Variants in TRAP1 observed in about 807,000 individuals in gnomAD.
The protein encoded by TRAP1 is TNF receptor associated protein 1.
In TRAP1, 102 loss-of-function variants were observed where a neutral mutation model predicts 89.1. The ratio of observed to expected loss-of-function variants is 1.15; its 90% CI spans 0.98 to 1.35. The LOEUF is 1.35. Ranked by LOEUF, TRAP1 falls within the 40% of genes most tolerant of loss-of-function variation. The pLI is 0.00. For missense variants in TRAP1, 1,256 were observed against 945.3 expected, an observed-to-expected ratio of 1.33 and a Z score of -4.31; for synonymous variants, 508 against 388.0, an observed-to-expected ratio of 1.31 and a Z score of -3.64.
At chr16:3,696,207 CCT>C (rs1474322026) in intron 1 of TRAP1, among the ~76,000 whole-genome samples, 1 of 152,074 alleles carries the variant, frequency 6.6e-6, no homozygotes, top group Non-Finnish European at 1.5e-5. Context: ...TTTGTGAATA[CCT>C]CTCTCCAAAA....
At chr16:3,666,441 CAT>C (rs976802651) in intron 11 of TRAP1, among the ~76,000 whole-genome samples, 12 of 152,098 alleles carry the variant, frequency 7.9e-5, no homozygotes, top group African/African-American at 2.2e-4. Context: ...CCTTAGGAAA[CAT>C]GTGAGCACAC....
chr16:3,659,749 TTAGATAGATAGATAGATAGATAGA>T (rs3068078), intron 16 of TRAP1: 1 of 140,244 alleles, frequency 7.1e-6, no homozygotes, highest in Non-Finnish European at 1.6e-5. Flanking sequence ...ACTTTTTTTT[TTAGATAGATAGATAGATAGATAGA>T]TAGATAGACT....
intron 12 of TRAP1, chr16:3,664,706 G>A: frequency 2.1e-6 from 1 of 487,044 alleles, no homozygotes; most frequent in East Asian, 3.9e-5. Context: ...GCTCTCCAGG[G>A]AGCTACGCGC....
intron 1 of TRAP1, among the ~76,000 whole-genome samples, chr16:3,710,226 G>A (rs1021397600): frequency 6.6e-6 from 1 of 152,208 alleles, no homozygotes; most frequent in African/African-American, 2.4e-5. Flanking sequence ...TTTGCTCATG[G>A]AAGACTACTG....
intron 1 of TRAP1, among the ~76,000 whole-genome samples, chr16:3,694,291 T>C (rs2051257232): frequency 6.6e-6 from 1 of 151,992 alleles, no homozygotes; most frequent in Non-Finnish European, 1.5e-5. Flanking sequence ...ACATCTGAAA[T>C]GACCCAAATA....
chr16:3,684,274 G>T (rs1596725460), intron 4 of TRAP1, among the ~76,000 whole-genome samples: 1 of 152,188 alleles, frequency 6.6e-6, no homozygotes, highest in Non-Finnish European at 1.5e-5. Flanking sequence ...TGATACTGTT[G>T]TAAGATTCTT....
At chr16:3,686,971 AAAAC>A (rs2051146812) in intron 3 of TRAP1, 1 of 152,226 alleles carries the variant, frequency 6.6e-6, no homozygotes, top group South Asian at 2.1e-4. Context: ...CTGTCTCAAA[AAAAC>A]AAACAAAAGA....
chr16:3,662,692 G>A (rs1203396435), intron 15 of TRAP1, 190 bp downstream of exon 15: 3 of 698,768 alleles, frequency 4.3e-6, no homozygotes, highest in African/African-American at 1.7e-5. Context: ...GAAAGACACG[G>A]CCTTCCTGCC....
At chr16:3,662,543 A>G (rs977936030) in intron 15 of TRAP1, 8 of 550,742 alleles carry the variant, frequency 1.5e-5, no homozygotes, top group Admixed American at 7.2e-5. Flanking sequence ...CTAAGCACCC[A>G]AGTGAGCATG....
At chr16:3,716,001 T>TA (rs2051593727) in intron 1 of TRAP1, among the ~76,000 whole-genome samples, 1 of 152,102 alleles carries the variant, frequency 6.6e-6, no homozygotes, top group African/African-American at 2.4e-5. Flanking sequence ...AAGCTGGGAT[T>TA]ACAGGCGCGC....
In TRAP1 at chr16:3,676,155, G is replaced by T; in HGVS notation, c.705-10C>A. The stretch of plus-strand genomic sequence containing the variant: ...TTCAAACACTCCAGAACTAAGGCAG[G>T]CAAAGAAAGGAAAAGCCAGGTGGAT... On this transcript the variant is annotated splice_polypyrimidine_tract_variant and intron_variant, in intron 6 of 17. Transcript: ENST00000246957. 1.9e-6 allele frequency: 3 copies of T among 1,611,252 alleles called. No homozygotes were observed. The highest frequency in any genetic ancestry group is 2.5e-6 in the Non-Finnish European group (3 of 1,178,092).
intron 9 of TRAP1, among the ~76,000 whole-genome samples, chr16:3,673,846 G>A (rs990502094): frequency 6.9e-6 from 1 of 144,182 alleles, no homozygotes; most frequent in African/African-American, 2.7e-5. Flanking sequence ...GGGTGTGGAG[G>A]AAGCACACAG....
At chr16:3,707,808 C>T (rs2051470230) in intron 1 of TRAP1, among the ~76,000 whole-genome samples, 1 of 147,846 alleles carries the variant, frequency 6.8e-6, no homozygotes, top group East Asian at 2.0e-4. Flanking sequence ...GAGCCAAGAT[C>T]GTGCCACTGC....
intron 9 of TRAP1, among the ~76,000 whole-genome samples, chr16:3,673,669 T>C (rs917681952): frequency 1.3e-5 from 2 of 152,160 alleles, no homozygotes; most frequent in Non-Finnish European, 1.5e-5. Flanking sequence ...CCTGGCTGGC[T>C]CTTTCCAAGA....
At chr16:3,675,147 C>T (rs2050971726) in intron 8 of TRAP1, among the ~76,000 whole-genome samples, 177 bp downstream of exon 8, 1 of 152,100 alleles carries the variant, frequency 6.6e-6, no homozygotes, top group South Asian at 2.1e-4. Flanking sequence ...TGCACAGGGG[C>T]AGGGCTGTGG....
At chr16:3,683,163 C>T (rs2051095064) in intron 4 of TRAP1, among the ~76,000 whole-genome samples, 1 of 150,940 alleles carries the variant, frequency 6.6e-6, no homozygotes, top group Admixed American at 6.6e-5. Context: ...GAGCAAAACC[C>T]CATTTCAAAA....
chr16:3,690,969 A>T lies in TRAP1; in HGVS notation c.105T>A (p.Cys35Ter). Residue 35 changes from cysteine (C) to a stop codon, truncating the protein, a stop_gained, in exon 2 of 18, where the codon TGT becomes TGA. Coordinates refer to ENST00000246957, the MANE Select transcript of TRAP1 (RefSeq NM_016292.3). LOFTEE classifies it high-confidence loss of function. The part of the protein sequence containing the change: ...AAVPGGKPIL[C>*]PRRTTAQLGP... The stretch of plus-strand genomic sequence containing the variant: ...CCAACTGGGCTGTGGTCCTCCGAGG[A>T]CACAGAATTGGTTTTCCTGAAAAGA... The T allele has an allele frequency of 6.5e-7, 1 of 1,527,428 alleles. No homozygotes were observed. Among genetic ancestry groups the T allele is most frequent in the African/African-American group, 1.4e-5 (1 of 70,634 alleles). 94.6% of individuals were successfully genotyped at this position (1,527,428 alleles called of 1,614,324 possible).
intron 6 of TRAP1, 141 bp from the exon 7 acceptor site, chr16:3,676,286 C>T: frequency 1.7e-6 from 1 of 576,406 alleles, no homozygotes; most frequent in Non-Finnish European, 3.0e-6. Flanking sequence ...TTTCTGACCC[C>T]AGCGCACCAC....
intron 4 of TRAP1, among the ~76,000 whole-genome samples, chr16:3,684,127 T>C (rs571631699): frequency 5.6e-4 from 85 of 152,190 alleles, no homozygotes; most frequent in African/African-American, 2.0e-3. Context: ...GGTGAGATCA[T>C]ACCACTGCAC....
Sources: allele counts gnomAD v4.1 joint callset (sites outside exome capture counted in the v4.1 genomes callset), GRCh38; gene constraint gnomAD v4.1.1; transcripts MANE v1.5; gene names NCBI Gene and HGNC (gene_info 2026-07-23, HGNC 2026-07-21).